NRXN1: variants seen among roughly 807,000 people sequenced by gnomAD.
NRXN1 encodes the protein neurexin-1.
Under a neutral mutation model 150.9 loss-of-function variants are expected in NRXN1, and 39 were observed. That is an observed-to-expected ratio of 0.26 (90% CI 0.20 to 0.34). The LOEUF is 0.34. NRXN1 is among the 10% of genes least tolerant of loss of function. NRXN1 has a pLI of 1.00. For missense variants in NRXN1, 1,815 were observed against 1,949.9 expected (o/e 0.93, Z 1.30); for synonymous variants, 924 against 757.0 (o/e 1.22, Z -3.62).
At chr2:50,042,138 A>G (rs193145783) in intron 21 of NRXN1, among the ~76,000 whole-genome samples, 26 of 152,354 alleles carry the variant, frequency 1.7e-4, no homozygotes, top group African/African-American at 6.0e-4. Context: ...AAGGAAGTTA[A>G]TTCTTTTAAC....
At chr2:50,791,569 T>G (rs1706053561) in intron 5 of NRXN1, among the ~76,000 whole-genome samples, 1 of 152,110 alleles carries the variant, frequency 6.6e-6, no homozygotes, top group South Asian at 2.1e-4. Context: ...CTCCTAAGTT[T>G]GCCAAATGCA....
chr2:50,562,346 G>T (rs1459757500), intron 8 of NRXN1, among the ~76,000 whole-genome samples: 1 of 152,052 alleles, frequency 6.6e-6, no homozygotes, highest in African/African-American at 2.4e-5. Context: ...TAGATAGATA[G>T]ATAGATAGAT....
At chr2:50,618,398 A>G (rs1201899270) in intron 8 of NRXN1, among the ~76,000 whole-genome samples, 2 of 152,146 alleles carry the variant, frequency 1.3e-5, no homozygotes, top group East Asian at 3.9e-4. Flanking sequence ...AAATCAAATA[A>G]CTGTGTTAAA....
intron 21 of NRXN1, among the ~76,000 whole-genome samples, chr2:50,014,071 C>A (rs892979224): frequency 6.6e-6 from 1 of 151,682 alleles, no homozygotes; most frequent in African/African-American, 2.4e-5. Flanking sequence ...ATAGCAACAA[C>A]CATGTGTCTA....
rs149515552 is a variant in NRXN1 at position 50,736,701 on chromosome 2, G to A, written c.833-113086C>T. ...ATGTAAGACATGCCTTTCGCCTTCT[G>A]CCATGATTGTGAGGCCTCTCCAGAC... On this transcript the variant is annotated intron_variant, in intron 5 of 22. Transcript: ENST00000401669. Among the ~76,000 whole-genome samples, 1,049 of 152,144 alleles carry A rather than the reference G, an allele frequency of 6.9e-3. 8 individuals carry two copies. Among genetic ancestry groups the A allele is most frequent in the African/African-American group, 0.024 (996 of 41,502 alleles).
intron 5 of NRXN1, among the ~76,000 whole-genome samples, chr2:50,700,963 G>A (rs1376002529): frequency 6.6e-6 from 1 of 152,062 alleles, no homozygotes; most frequent in African/African-American, 2.4e-5. Context: ...ACTGCGCCCG[G>A]CCAGGGATCA....
chr2:49,954,183 T>C (rs1482190156), intron 21 of NRXN1, among the ~76,000 whole-genome samples: 1 of 152,108 alleles, frequency 6.6e-6, no homozygotes, highest in Non-Finnish European at 1.5e-5. Context: ...GAATAGGATC[T>C]GTATCTCTCA....
intron 17 of NRXN1, among the ~76,000 whole-genome samples, chr2:50,375,791 T>A (rs937328887): frequency 6.6e-6 from 1 of 151,682 alleles, no homozygotes; most frequent in African/African-American, 2.4e-5. Flanking sequence ...ACAAAATTCA[T>A]AAAGAGGGCT....
intron 5 of NRXN1, among the ~76,000 whole-genome samples, chr2:50,908,036 T>C (rs1408422051): frequency 6.6e-6 from 1 of 152,118 alleles, no homozygotes; most frequent in Non-Finnish European, 1.5e-5. Flanking sequence ...TAACTATTGA[T>C]GAGACTTCCA....
intron 5 of NRXN1, among the ~76,000 whole-genome samples, chr2:50,883,816 A>C (rs1432419322): frequency 6.6e-6 from 1 of 151,838 alleles, no homozygotes; most frequent in Non-Finnish European, 1.5e-5. Context: ...CTCCTGACAC[A>C]GAAGCCTACA....
chr2:50,736,522 T>C (rs1218795864), intron 5 of NRXN1, among the ~76,000 whole-genome samples: 1 of 152,134 alleles, frequency 6.6e-6, no homozygotes, highest in Admixed American at 6.5e-5. Context: ...CCATCTGTTA[T>C]AGGGCGGACC....
At position 50,951,963 on chromosome 2, in the gene NRXN1, A is replaced by ATAT. The variant is rs1387961788; in HGVS notation, c.773-26009_773-26008insATA. On this transcript the variant is annotated intron_variant, in intron 2 of 22. Transcript: ENST00000401669. ...AATAAATATATATATATATATATAT[A>ATAT]TTTTTTTTTTTTTTTTTTTTTGAGA... 6.1e-3 allele frequency among the ~76,000 whole-genome samples: 456 copies of ATAT among 74,818 alleles called. 11 individuals are homozygous for ATAT. Among genetic ancestry groups the ATAT allele is most frequent in the East Asian group, 0.052 (103 of 1,998 alleles). 49.1% of individuals were successfully genotyped at this position (74,818 alleles called of 152,430 possible).
chr2:49,957,615 T>A (rs1053413498), intron 21 of NRXN1, among the ~76,000 whole-genome samples: 5 of 152,182 alleles, frequency 3.3e-5, no homozygotes, highest in Non-Finnish European at 5.9e-5. Context: ...AATCACATTA[T>A]CAGTATATTG....
At chr2:50,047,490 T>A (rs1415716667) in intron 21 of NRXN1, among the ~76,000 whole-genome samples, 1 of 152,064 alleles carries the variant, frequency 6.6e-6, no homozygotes, top group East Asian at 1.9e-4. Flanking sequence ...CTTTTGATCT[T>A]TTCTCTGGCT....
At chr2:49,961,318 ATG>A (rs950770754) in intron 21 of NRXN1, among the ~76,000 whole-genome samples, 28 of 144,952 alleles carry the variant, frequency 1.9e-4, no homozygotes, top group African/African-American at 7.5e-4. Flanking sequence ...CTGCGCACGC[ATG>A]CACACACACA....
rs1366718420 is a variant in NRXN1 at position 50,342,825 on chromosome 2, C to T, written c.3365-105855G>A. ...TTGCTCTGGGCTATGGGCCATAGGC[C>T]TTGATTCTAATTCCTCTTTGACTCT... On this transcript the variant is annotated intron_variant, in intron 17 of 22. Transcript: ENST00000401669. 2.0e-5 allele frequency among the ~76,000 whole-genome samples: 3 copies of T among 152,180 alleles called. No individual in the cohort carries two copies. The East Asian group carries it at 5.8e-4, about 29-fold the overall frequency.
At chr2:50,732,299 C>A (rs1240595928) in intron 5 of NRXN1, among the ~76,000 whole-genome samples, 3 of 152,170 alleles carry the variant, frequency 2.0e-5, no homozygotes, top group East Asian at 3.9e-4. Flanking sequence ...AAATAAATTC[C>A]TGGGAATGTA....
At chr2:50,484,273 T>C (rs1296647463) in intron 15 of NRXN1, among the ~76,000 whole-genome samples, 4 of 152,208 alleles carry the variant, frequency 2.6e-5, no homozygotes, top group African/African-American at 9.6e-5. Context: ...TTCTGTATTT[T>C]TTTTTCCAAA....
chr2:50,560,662 C>T (rs1401113059), intron 8 of NRXN1, among the ~76,000 whole-genome samples: 1 of 152,162 alleles, frequency 6.6e-6, no homozygotes, highest in South Asian at 2.1e-4. Context: ...GAACTCCTGA[C>T]CTCAAGTGAT....
Sources: allele counts gnomAD v4.1 joint callset (sites outside exome capture counted in the v4.1 genomes callset), GRCh38; gene constraint gnomAD v4.1.1; transcripts MANE v1.5; gene names NCBI Gene and HGNC (gene_info 2026-07-23, HGNC 2026-07-21).